The following TRAPPC6B variants were observed in gnomAD, a reference collection of about 807,000 sequenced individuals.
TRAPPC6B encodes TRAPP complex subunit 6B.
TRAPPC6B carries 27 observed loss-of-function variants against 24.7 expected under a neutral mutation model. The ratio of observed to expected loss-of-function variants is 1.09; its 90% CI spans 0.81 to 1.51. The LOEUF (loss-of-function observed/expected upper bound fraction) is 1.51. Ranked by LOEUF, TRAPPC6B falls within the 40% of genes most tolerant of loss-of-function variation. The probability of loss-of-function intolerance (pLI) is 0.00; values close to 1 mark genes in which losing one functional copy is unlikely to be tolerated. For synonymous variants in TRAPPC6B, 80 were observed against 66.6 expected (o/e 1.20, Z -0.98); for missense variants, 212 against 190.8 (o/e 1.11, Z -0.66).
intron 3 of TRAPPC6B, among the ~76,000 whole-genome samples, chr14:39,155,057 T>C (rs1415092164): frequency 1.3e-5 from 2 of 151,808 alleles, no homozygotes; most frequent in Non-Finnish European, 2.9e-5. Context: ...GCCTTCCGAG[T>C]AGCTGGGACC....
At chr14:39,157,557 G>A in intron 3 of TRAPPC6B, 1 of 395,556 alleles carries the variant, frequency 2.5e-6, no homozygotes, top group East Asian at 7.3e-5. Context: ...CCATCGAGGT[G>A]GCTGTCTTCC....
chr14:39,151,792 C>T lies in TRAPPC6B; in HGVS notation c.399G>A (p.Leu133=), dbSNP rs2052918443. The T allele has an allele frequency of 2.5e-6, 4 of 1,608,692 alleles. No individual in the cohort carries two copies. Among genetic ancestry groups the T allele is most frequent in the Non-Finnish European group, 3.4e-6 (4 of 1,178,344 alleles). Residue 133 remains leucine, a synonymous_variant, in exon 5 of 6, where the codon TTG becomes TTA. Transcript: ENST00000330149. ...CGLIRGGLSN[L]GIKSIVTAEV... ...CAGCTGTTACAATACTTTTTATTCC[C>T]AAGTTTGATAAGCCACCTCTGATTA...
At chr14:39,161,379 G>T (rs1166872237) in intron 1 of TRAPPC6B, among the ~76,000 whole-genome samples, 1 of 152,140 alleles carries the variant, frequency 6.6e-6, no homozygotes, top group African/African-American at 2.4e-5. Context: ...TCATGAGAAT[G>T]AAAAAATGTC....
intron 4 of TRAPPC6B, among the ~76,000 whole-genome samples, chr14:39,153,705 T>TC (rs973178439): frequency 5.4e-5 from 8 of 146,822 alleles, no homozygotes; most frequent in African/African-American, 2.0e-4. Context: ...TTTTTTTTCT[T>TC]TTTTTTTTTT....
In TRAPPC6B at chr14:39,170,109, T is replaced by C. The variant is rs373351905; in HGVS notation, c.-14A>G. ...CTCATCCGCCATTTCCTGCTAATTC[T>C]TCCAAGCTTCGAGTTTTGGCTCCCG... is the stretch of plus-strand genomic sequence containing the variant. On this transcript the variant is annotated 5_prime_UTR_variant, in exon 1 of 6. Coordinates refer to ENST00000330149, the MANE Select transcript of TRAPPC6B (RefSeq NM_001079537.2). The C allele has an allele frequency of 3.1e-6, 5 of 1,614,030 alleles. No homozygotes were observed. In the South Asian group the frequency reaches 4.4e-5, roughly 14 times the overall value.
intron 1 of TRAPPC6B, among the ~76,000 whole-genome samples, chr14:39,165,013 G>A (rs1188294350): frequency 6.6e-6 from 1 of 150,852 alleles, no homozygotes; most frequent in Non-Finnish European, 1.5e-5. Flanking sequence ...CTGTCTCCCT[G>A]CCTTTTTATG....
chr14:39,154,621 T>A (rs967141499), intron 3 of TRAPPC6B, among the ~76,000 whole-genome samples: 2 of 152,128 alleles, frequency 1.3e-5, no homozygotes, highest in African/African-American at 2.4e-5. Context: ...GGTTTCGCCA[T>A]GTTGCCCAGG....
At chr14:39,151,467 A>G (rs1338694060) in intron 5 of TRAPPC6B, among the ~76,000 whole-genome samples, 2 of 151,868 alleles carry the variant, frequency 1.3e-5, no homozygotes, top group Non-Finnish European at 2.9e-5. Flanking sequence ...TGCAGGAGAT[A>G]TTCAGAAGAA....
At chr14:39,165,751 C>G (rs1194021038) in intron 1 of TRAPPC6B, among the ~76,000 whole-genome samples, 3 of 152,140 alleles carry the variant, frequency 2.0e-5, no homozygotes, top group Admixed American at 2.0e-4. Context: ...GAGCCAAAGT[C>G]CCAACACTGC....
At chr14:39,157,233 C>T (rs542168997) in intron 3 of TRAPPC6B, 5 of 351,318 alleles carry the variant, frequency 1.4e-5, no homozygotes, top group Non-Finnish European at 2.7e-5. Context: ...TGAAATGGCC[C>T]CGCTATATCA....
At chr14:39,164,099 G>C (rs962813242) in intron 1 of TRAPPC6B, among the ~76,000 whole-genome samples, 1 of 143,328 alleles carries the variant, frequency 7.0e-6, no homozygotes, top group Non-Finnish European at 1.5e-5. Flanking sequence ...CTGGTTTTTA[G>C]CTATAGCTTT....
At chr14:39,158,643 T>C (rs2053016320) in intron 2 of TRAPPC6B, 2 of 378,686 alleles carry the variant, frequency 5.3e-6, no homozygotes, top group Non-Finnish European at 9.4e-6. Context: ...CACCTCAGCC[T>C]CCCTAGCAGC....
At chr14:39,155,445 T>A (rs2052965135) in intron 3 of TRAPPC6B, among the ~76,000 whole-genome samples, 1 of 152,176 alleles carries the variant, frequency 6.6e-6, no homozygotes, top group South Asian at 2.1e-4. Context: ...TTCTCCATGT[T>A]GGCAGGGCTG....
intron 3 of TRAPPC6B, among the ~76,000 whole-genome samples, chr14:39,156,583 T>G (rs1282042439): frequency 6.6e-6 from 1 of 152,154 alleles, no homozygotes; most frequent in Non-Finnish European, 1.5e-5. Flanking sequence ...TTTTAATAAA[T>G]ACATAGTTTT....
Position 39,149,436 on chromosome 14 carries a change from A to G in TRAPPC6B, c.*914T>C, listed in dbSNP as rs1485427919. The G allele has an allele frequency of 6.6e-6, 1 of 152,238 alleles. No individual in the cohort carries two copies. The highest frequency in any genetic ancestry group is 1.5e-5 in the Non-Finnish European group (1 of 68,038). The allele number at this position is 152,238 out of a possible 1,614,324, so 9.4% of individuals were successfully genotyped here. On this transcript the variant is annotated 3_prime_UTR_variant, in exon 6 of 6. Transcript: ENST00000330149. The stretch of plus-strand genomic sequence containing the variant: ...AGCTGGAGATAACTGCTTATGCCAG[A>G]TAATTTAAGTAAGAGAAAGTAAGTA...
chr14:39,150,635 T>TCC (rs2052900279), intron 5 of TRAPPC6B, among the ~76,000 whole-genome samples: 1 of 152,098 alleles, frequency 6.6e-6, no homozygotes, highest in East Asian at 1.9e-4. Flanking sequence ...ACCTCCTGGG[T>TCC]TCAAGTGATT....
chr14:39,168,226 AAAAAG>A (rs1291307521), intron 1 of TRAPPC6B, among the ~76,000 whole-genome samples: 23 of 151,804 alleles, frequency 1.5e-4, no homozygotes. Flanking sequence ...AAAAAAAAAA[AAAAAG>A]AGAGAGAGAG....
rs770401940 is a variant in TRAPPC6B, at chr14:39,154,226, T to C, written c.336A>G (p.Leu112=). The C allele has an allele frequency of 1.2e-6, 2 of 1,611,806 alleles. No individual in the cohort carries two copies. The highest frequency in any genetic ancestry group is 4.5e-5 in the East Asian group (2 of 44,856). The part of the protein sequence containing the change: ...LTQMSAGKQY[L]EHASKYLAFT... Reference sequence around the variant, plus strand: ...CATTAAATACCTTAGATGCATGTTCTAAATACTGTTTTCCTGCAGACATCT... The same window carrying C: ...CATTAAATACCTTAGATGCATGTTCCAAATACTGTTTTCCTGCAGACATCT... The change falls in exon 4 of 6, where the codon TTA becomes TTG. Residue 112 remains leucine (L), a synonymous_variant. Transcript: ENST00000330149.
Position 39,148,038 on chromosome 14 carries a change from C to G in TRAPPC6B, c.*2312G>C, listed in dbSNP as rs1017890689. The G allele has an allele frequency of 2.0e-4, 30 of 152,220 alleles. No individual in the cohort carries two copies. The highest frequency in any genetic ancestry group is 6.7e-4 in the African/African-American group (28 of 41,534). 9.4% of individuals were successfully genotyped at this position (152,220 alleles called of 1,614,324 possible). On this transcript the variant is annotated 3_prime_UTR_variant, in exon 6 of 6. Coordinates refer to ENST00000330149, the MANE Select transcript of TRAPPC6B (RefSeq NM_001079537.2). ...AAGAATATCTCACATAACAAAAAGT[C>G]CAAAGGTAAAGCAGTTCCTGGATTG...
Sources: allele counts gnomAD v4.1 joint callset (sites outside exome capture counted in the v4.1 genomes callset), GRCh38; gene constraint gnomAD v4.1.1; transcripts MANE v1.5; gene names NCBI Gene and HGNC (gene_info 2026-07-23, HGNC 2026-07-21).